Variants in NELL2 observed in about 807,000 individuals in gnomAD.
NELL2 encodes the protein neural EGFL like 2, also known as protein kinase C-binding protein NELL2.
NELL2 carries 41 observed loss-of-function variants against 109.6 expected under a neutral mutation model. That is an observed-to-expected ratio of 0.37 (90% CI 0.29 to 0.49). The LOEUF (loss-of-function observed/expected upper bound fraction) is 0.49, where lower values mean the gene tolerates loss of function less well. NELL2 is among the 20% of genes least tolerant of loss of function. The pLI, the probability that NELL2 is intolerant of heterozygous loss-of-function variation, is 0.98. For missense variants in NELL2, 900 were observed against 1,008.3 expected (o/e 0.89, Z 1.45); for synonymous variants, 355 against 344.7 (o/e 1.03, Z -0.33).
chr12:44,848,848 C>A (rs915139978), intron 2 of NELL2, among the ~76,000 whole-genome samples: 6 of 152,086 alleles, frequency 3.9e-5, no homozygotes, highest in African/African-American at 1.4e-4. Flanking sequence ...AGCCAGTAAC[C>A]CCCAAGTGGC....
chr12:44,797,023 C>T (rs1942647560), intron 3 of NELL2, among the ~76,000 whole-genome samples: 1 of 151,878 alleles, frequency 6.6e-6, no homozygotes, highest in Non-Finnish European at 1.5e-5. Flanking sequence ...ATTTTTAAAA[C>T]ATCGATTTTC....
At chr12:44,572,002 C>T (rs749048897) in intron 15 of NELL2, among the ~76,000 whole-genome samples, 9 of 152,066 alleles carry the variant, frequency 5.9e-5, no homozygotes, top group Non-Finnish European at 1.0e-4. Flanking sequence ...CATAGCAAAA[C>T]GTGCATAGCT....
intron 12 of NELL2, among the ~76,000 whole-genome samples, chr12:44,683,837 A>G (rs1315828057): frequency 6.6e-6 from 1 of 152,084 alleles, no homozygotes; most frequent in Admixed American, 6.6e-5. Context: ...TTTTATTGAG[A>G]ATTTTTGCAT....
intron 13 of NELL2, among the ~76,000 whole-genome samples, chr12:44,622,363 A>G (rs535364085): frequency 1.3e-5 from 2 of 152,234 alleles, no homozygotes; most frequent in Admixed American, 6.5e-5. Flanking sequence ...ATCCATTGAC[A>G]TTTATTTCAA....
chr12:44,698,202 A>G (rs1428688332), intron 12 of NELL2, among the ~76,000 whole-genome samples: 1 of 152,176 alleles, frequency 6.6e-6, no homozygotes, highest in Non-Finnish European at 1.5e-5. Context: ...CCTATTTCCA[A>G]ATAAGGTAAC....
intron 12 of NELL2, among the ~76,000 whole-genome samples, chr12:44,666,948 C>G (rs1947944586): frequency 6.6e-6 from 1 of 152,150 alleles, no homozygotes; most frequent in South Asian, 2.1e-4. Context: ...TATACCTTCT[C>G]TCCCTGACAC....
intron 2 of NELL2, among the ~76,000 whole-genome samples, chr12:44,850,571 A>G (rs1189546467): frequency 6.6e-6 from 1 of 152,206 alleles, no homozygotes; most frequent in African/African-American, 2.4e-5. Context: ...ATCAAACAAG[A>G]CATCAATGCA....
At chr12:44,881,151 A>G (rs1945407474), upstream of NELL2, among the ~76,000 whole-genome samples, 1 of 152,060 alleles carries the variant, frequency 6.6e-6, no homozygotes, top group Non-Finnish European at 1.5e-5. Flanking sequence ...CTAAAAATCC[A>G]ACATTCACCA....
chr12:44,748,413 G>C (rs1000623117), intron 9 of NELL2, among the ~76,000 whole-genome samples: 1 of 151,816 alleles, frequency 6.6e-6, no homozygotes, highest in Non-Finnish European at 1.5e-5. Flanking sequence ...TTTGCATTTC[G>C]TCATGATCCT....
Position 44,875,970 on chromosome 12 carries a change from G to T in NELL2, c.-101C>A. 1 of 1,584,362 alleles carries T rather than the reference G, an allele frequency of 6.3e-7. No homozygotes were observed. Among genetic ancestry groups the T allele is most frequent in the Non-Finnish European group, 8.5e-7 (1 of 1,171,120 alleles). ...CGGGAAAATAACGTTTGTCTCTCCT[G>T]CTGCTGCCTCGGATTTACTGATCAG... On this transcript the variant is annotated 5_prime_UTR_variant, in exon 1 of 20. Transcript: ENST00000429094.
chr12:44,852,251 A>G (rs1355667667), intron 2 of NELL2, among the ~76,000 whole-genome samples: 2 of 152,194 alleles, frequency 1.3e-5, no homozygotes, highest in Non-Finnish European at 2.9e-5. Context: ...CTTAACATAC[A>G]CTGCTGGAAA....
chr12:44,861,167 G>A (rs151209150), intron 2 of NELL2, among the ~76,000 whole-genome samples: 7 of 152,226 alleles, frequency 4.6e-5, no homozygotes, highest in South Asian at 4.2e-4. Context: ...ACAATTTTAC[G>A]TTACCCATCT....
intron 9 of NELL2, among the ~76,000 whole-genome samples, chr12:44,743,866 T>C (rs369916410): frequency 3.3e-4 from 50 of 151,302 alleles, no homozygotes; most frequent in African/African-American, 1.1e-3. Context: ...CTTTAACACC[T>C]CACTGTCAAC....
rs1186997504 is a variant in NELL2 at position 44,732,427 on chromosome 12, A to G, written c.995-17686T>C. Among the ~76,000 whole-genome samples, 3 of 151,984 alleles carry G rather than the reference A, an allele frequency of 2.0e-5. No homozygotes were observed. The South Asian group carries it at 6.2e-4, about 31-fold the overall frequency. On this transcript the variant is annotated intron_variant, in intron 9 of 19. Transcript: ENST00000429094. ...CTCACTTACATACAGGCAAATCTCCAACAAGAATACTAAGAATACACAATG... is the reference window on the plus strand; with the variant it reads ...CTCACTTACATACAGGCAAATCTCCGACAAGAATACTAAGAATACACAATG...
intron 2 of NELL2, among the ~76,000 whole-genome samples, chr12:44,871,820 C>G (rs941136332): frequency 9.2e-5 from 14 of 152,272 alleles, no homozygotes; most frequent in African/African-American, 2.9e-4. Flanking sequence ...CAAATAACTA[C>G]TAAGCTTATT....
Position 44,508,782 on chromosome 12 carries a change from G to T in NELL2, c.*152C>A. ...AATTTTCCTTTTGTGATTTTGTCAA[G>T]CTCCACAAATTTCATAATTGAAAGT... On this transcript the variant is annotated 3_prime_UTR_variant, in exon 20 of 20. Transcript: ENST00000429094. 1 of 665,658 alleles carries T rather than the reference G, an allele frequency of 1.5e-6. No individual in the cohort carries two copies. The highest frequency in any genetic ancestry group is 2.6e-6 in the Non-Finnish European group (1 of 385,020). 41.2% of individuals were successfully genotyped at this position (665,658 alleles called of 1,614,324 possible).
intron 15 of NELL2, among the ~76,000 whole-genome samples, chr12:44,569,685 A>G (rs1014435921): frequency 6.6e-6 from 1 of 152,192 alleles, no homozygotes; most frequent in Non-Finnish European, 1.5e-5. Flanking sequence ...GGCACCCAGA[A>G]ATAATATGAA....
chr12:44,625,527 CAG>C (rs1946225605), intron 13 of NELL2, among the ~76,000 whole-genome samples: 1 of 151,974 alleles, frequency 6.6e-6, no homozygotes, highest in Non-Finnish European at 1.5e-5. Context: ...CTGTGTTTGG[CAG>C]AGTGTCTGAC....
chr12:44,796,857 C>CTTATTACCCTACATAA (rs1195424181), intron 3 of NELL2, among the ~76,000 whole-genome samples: 1 of 151,976 alleles, frequency 6.6e-6, no homozygotes, highest in Admixed American at 6.6e-5. Context: ...CCCTACATAA[C>CTTATTACCCTACATAA]TGAGCTTAAT....
Sources: allele counts gnomAD v4.1 joint callset (sites outside exome capture counted in the v4.1 genomes callset), GRCh38; gene constraint gnomAD v4.1.1; transcripts MANE v1.5; gene names NCBI Gene and HGNC (gene_info 2026-07-23, HGNC 2026-07-21).